KAT2B: variants seen among roughly 807,000 people sequenced by gnomAD.
The protein encoded by KAT2B is histone acetyltransferase KAT2B.
In KAT2B, 36 loss-of-function variants were observed where a neutral mutation model predicts 105.9. The observed-to-expected ratio is 0.34, with a 90% confidence interval of 0.26 to 0.45. The LOEUF (loss-of-function observed/expected upper bound fraction) is 0.45. Ranked by LOEUF, KAT2B falls within the 20% of genes least tolerant of loss-of-function variation. KAT2B has a pLI of 1.00. For synonymous variants in KAT2B, 397 were observed against 377.9 expected (o/e 1.05, Z -0.59); for missense variants, 820 against 1,021.6 (o/e 0.80, Z 2.69).
chr3:20,110,452 CTTTAGTCCAGGAG>C (rs929408568), intron 5 of KAT2B, among the ~76,000 whole-genome samples: 3 of 151,846 alleles, frequency 2.0e-5, no homozygotes, highest in African/African-American at 7.3e-5. Flanking sequence ...GGGTGGATCT[CTTTAGTCCAGGAG>C]TTCGAGACAA....
intron 11 of KAT2B, among the ~76,000 whole-genome samples, chr3:20,133,157 C>T (rs1699541172): frequency 6.6e-6 from 1 of 152,172 alleles, no homozygotes; most frequent in Non-Finnish European, 1.5e-5. Context: ...ACGCATCCTT[C>T]CAGGTACTTT....
At chr3:20,127,269 A>C (rs766931880) in intron 10 of KAT2B, among the ~76,000 whole-genome samples, 154 bp from the exon 11 acceptor site, 2 of 152,184 alleles carry the variant, frequency 1.3e-5, no homozygotes, top group Non-Finnish European at 2.9e-5. Context: ...TTCAGATAAA[A>C]GGATGGTCTA....
chr3:20,095,366 A>G lies in KAT2B; in HGVS notation c.534A>G (p.Glu178=). The change falls in exon 3 of 18, where the codon GAA becomes GAG. Residue 178 remains glutamate, a synonymous_variant. Transcript: ENST00000263754. ...VEYLFTCVHK[E]EDADTKQVYF... is the part of the protein sequence containing the mutation. The stretch of plus-strand genomic sequence containing the variant: ...ATCTCTTTACCTGTGTCCACAAGGA[A>G]GAAGATGCAGATACCAAACAAGTTT... 1.3e-6 allele frequency: 2 copies of G among 1,599,510 alleles called. No individual in the cohort carries two copies. Among genetic ancestry groups the G allele is most frequent in the South Asian group, 1.1e-5 (1 of 90,658 alleles).
At chr3:20,072,633 C>G (rs1490599787) in intron 2 of KAT2B, among the ~76,000 whole-genome samples, 174 bp downstream of exon 2, 1 of 152,196 alleles carries the variant, frequency 6.6e-6, no homozygotes, top group Non-Finnish European at 1.5e-5. Context: ...TCGTGAGAGA[C>G]AAATGCTGCA....
intron 2 of KAT2B, among the ~76,000 whole-genome samples, chr3:20,078,941 C>T (rs1269114948): frequency 6.7e-6 from 1 of 149,432 alleles, no homozygotes; most frequent in Non-Finnish European, 1.5e-5. Flanking sequence ...GTGGCGCGAT[C>T]TCCACGATCT....
At position 20,152,343 on chromosome 3, in the gene KAT2B, A is replaced by G; in HGVS notation, c.2317A>G (p.Met773Val). The change falls in exon 18 of 18, where the codon ATG becomes GTG. Residue 773 changes from methionine to valine, a missense_variant. This residue lies in a region of KAT2B where 227 missense variants were observed against 292.9 expected (regional missense o/e 0.77). Transcript: ENST00000263754. ...VIRFPMDLKT[M>V]SERLKNRYYV... ...TTTTTCCTGTGCAGATCTGAAAACC[A>G]TGAGTGAACGCCTCAAGAATAGGTA... 1.2e-6 allele frequency: 2 copies of G among 1,612,486 alleles called. No homozygotes were observed. The highest frequency in any genetic ancestry group is 1.7e-6 in the Non-Finnish European group (2 of 1,179,082).
chr3:20,051,718 A>G (rs1053108387), intron 1 of KAT2B, among the ~76,000 whole-genome samples: 1 of 152,214 alleles, frequency 6.6e-6, no homozygotes, highest in Non-Finnish European at 1.5e-5. Context: ...ACAGCTCCAC[A>G]AAGATTTTTC....
intron 1 of KAT2B, among the ~76,000 whole-genome samples, chr3:20,062,134 AAT>A (rs1491089761): frequency 1.5e-5 from 1 of 67,532 alleles, no homozygotes; most frequent in Non-Finnish European, 2.4e-5. Flanking sequence ...ATATATATAA[AAT>A]ATATAATATA....
At chr3:20,062,099 A>ATATAATATATATTATATATAAAACG (rs1698125652) in intron 1 of KAT2B, among the ~76,000 whole-genome samples, 1 of 55,324 alleles carries the variant, frequency 1.8e-5, no homozygotes, top group African/African-American at 6.2e-5. Context: ...TATATAAAAC[A>ATATAATATATATTATATATAAAACG]TATAATATAT....
chr3:20,073,957 C>T (rs554166005), intron 2 of KAT2B, among the ~76,000 whole-genome samples: 2 of 152,162 alleles, frequency 1.3e-5, no homozygotes, highest in African/African-American at 2.4e-5. Flanking sequence ...ATTCTAAGCA[C>T]GTAAACACAC....
chr3:20,151,760 A>T (rs1457419025), intron 17 of KAT2B, among the ~76,000 whole-genome samples: 1 of 152,170 alleles, frequency 6.6e-6, no homozygotes, highest in Non-Finnish European at 1.5e-5. Context: ...TTATTAAATG[A>T]AGTTTGTTAT....
chr3:20,076,552 A>T (rs944043707), intron 2 of KAT2B, among the ~76,000 whole-genome samples: 4 of 152,088 alleles, frequency 2.6e-5, no homozygotes, highest in African/African-American at 9.7e-5. Context: ...TTTTTTCTTA[A>T]TGGAAAGTTT....
At chr3:20,072,777 G>A (rs934371342) in intron 2 of KAT2B, among the ~76,000 whole-genome samples, 6 of 152,188 alleles carry the variant, frequency 3.9e-5, no homozygotes, top group Non-Finnish European at 8.8e-5. Flanking sequence ...CATTTTGGGG[G>A]TTGGGGCCTG....
chr3:20,092,752 A>AG (rs1226265100), intron 2 of KAT2B, among the ~76,000 whole-genome samples: 1 of 151,778 alleles, frequency 6.6e-6, no homozygotes, highest in East Asian at 1.9e-4. Context: ...ACTAGGCTGG[A>AG]GTGCACTGGT....
At chr3:20,116,400 T>A (rs1297710541) in intron 7 of KAT2B, among the ~76,000 whole-genome samples, 8 of 152,146 alleles carry the variant, frequency 5.3e-5, no homozygotes, top group Non-Finnish European at 1.0e-4. Context: ...CTTGAATATA[T>A]CCTATCCATG....
At chr3:20,088,705 C>T (rs1344516879) in intron 2 of KAT2B, among the ~76,000 whole-genome samples, 1 of 152,112 alleles carries the variant, frequency 6.6e-6, no homozygotes, top group African/African-American at 2.4e-5. Flanking sequence ...TCTCTTTACT[C>T]TGTTGATTGT....
At chr3:20,144,602 CTTTTTTT>C (rs200001128) in intron 13 of KAT2B, among the ~76,000 whole-genome samples, 1 of 143,062 alleles carries the variant, frequency 7.0e-6, no homozygotes, top group Non-Finnish European at 1.5e-5. Flanking sequence ...TTTCTTTTTT[CTTTTTTT>C]TTTTTAAGAT....
chr3:20,054,394 T>C (rs1697970150), intron 1 of KAT2B, among the ~76,000 whole-genome samples: 3 of 152,344 alleles, frequency 2.0e-5, no homozygotes, highest in South Asian at 4.1e-4. Flanking sequence ...TCCAAAGTGC[T>C]GGGATTGATT....
chr3:20,143,263 T>A (rs756327127), intron 13 of KAT2B, among the ~76,000 whole-genome samples: 1 of 151,970 alleles, frequency 6.6e-6, no homozygotes, highest in Non-Finnish European at 1.5e-5. Context: ...TCTAGGGAGG[T>A]GAAGTTAATA....
Sources: allele counts gnomAD v4.1 joint callset (sites outside exome capture counted in the v4.1 genomes callset), GRCh38; gene constraint gnomAD v4.1.1; regional missense constraint gnomAD v4.1.1; transcripts MANE v1.5; gene names NCBI Gene and HGNC (gene_info 2026-07-23, HGNC 2026-07-21).